Variants in SH3KBP1 observed in about 807,000 individuals in gnomAD.
SH3KBP1 encodes the protein SH3 domain containing kinase binding protein 1.
Under a neutral mutation model 50.1 loss-of-function variants are expected in SH3KBP1, and 8 were observed. The ratio of observed to expected loss-of-function variants is 0.16; its 90% CI spans 0.09 to 0.29. SH3KBP1 has a LOEUF of 0.29. Among genes scored for constraint, SH3KBP1 ranks in the 10% least tolerant of loss-of-function variants. SH3KBP1 has a pLI of 1.00. For synonymous variants in SH3KBP1, 227 were observed against 218.6 expected (o/e 1.04, Z -0.34); for missense variants, 377 against 535.2 (o/e 0.70, Z 2.92).
chrX:19,832,020 A>G (rs1055399658), intron 2 of SH3KBP1, among the ~76,000 whole-genome samples: 1 of 112,118 alleles, frequency 8.9e-6, no homozygotes, highest in Non-Finnish European at 1.9e-5. Context: ...TAATAGGCCT[A>G]AAACATTTCC....
chrX:19,561,708 A>G (rs2065683949), intron 13 of SH3KBP1, among the ~76,000 whole-genome samples: 1 of 111,408 alleles, frequency 9.0e-6, no homozygotes, highest in Non-Finnish European at 1.9e-5. Flanking sequence ...AATTTGTTCA[A>G]TTTTACACTT....
At chrX:19,869,471 G>T (rs912134159) in intron 1 of SH3KBP1, among the ~76,000 whole-genome samples, 2 of 112,138 alleles carry the variant, frequency 1.8e-5, no homozygotes, top group Admixed American at 1.9e-4. Flanking sequence ...CCTCTGCCAT[G>T]GGCTGAAAGG....
intron 2 of SH3KBP1, among the ~76,000 whole-genome samples, chrX:19,829,792 C>T (rs2067811532): frequency 9.1e-6 from 1 of 110,464 alleles, no homozygotes; most frequent in East Asian, 2.8e-4. Flanking sequence ...CAGAGCAGCC[C>T]CGAGAGCTGC....
chrX:19,837,259 G>C (rs1386751055), intron 1 of SH3KBP1, among the ~76,000 whole-genome samples: 1 of 111,421 alleles, frequency 9.0e-6, no homozygotes, highest in East Asian at 2.8e-4. Flanking sequence ...TCAATTCCAT[G>C]TTACATTGTT....
intron 2 of SH3KBP1, among the ~76,000 whole-genome samples, chrX:19,777,658 A>T (rs752475338): frequency 2.7e-5 from 3 of 111,542 alleles, no homozygotes; most frequent in Non-Finnish European, 5.7e-5. Context: ...GGCTCCCTAG[A>T]TGCAAGGGTC....
intron 12 of SH3KBP1, among the ~76,000 whole-genome samples, chrX:19,579,700 C>A (rs182418482): frequency 1.5e-3 from 168 of 111,508 alleles, no homozygotes; most frequent in Non-Finnish European, 2.3e-3. Context: ...ATAATATGTA[C>A]AAGTGGAATG....
intron 4 of SH3KBP1, among the ~76,000 whole-genome samples, chrX:19,697,166 T>C (rs965456202): frequency 8.9e-6 from 1 of 112,328 alleles, no homozygotes; most frequent in Non-Finnish European, 1.9e-5. Context: ...GTGTATTAAA[T>C]ACATTTTCAA....
chrX:19,724,251 T>C (rs1301476240), intron 3 of SH3KBP1, among the ~76,000 whole-genome samples: 2 of 111,036 alleles, frequency 1.8e-5, no homozygotes, highest in Non-Finnish European at 3.8e-5. Flanking sequence ...ATTTGCAGAA[T>C]AGAGAAAGAG....
chrX:19,808,332 G>T (rs1027320136), intron 2 of SH3KBP1, among the ~76,000 whole-genome samples: 7 of 110,565 alleles, frequency 6.3e-5, no homozygotes, highest in Non-Finnish European at 1.1e-4. Flanking sequence ...CCCGCTTAAA[G>T]ACCTTTTTTT....
In SH3KBP1 at chrX:19,666,365, G is replaced by A. The variant is rs187609280; in HGVS notation, c.726+17458C>T. Among the ~76,000 whole-genome samples, 6 of 110,968 alleles carry A rather than the reference G, an allele frequency of 5.4e-5. No homozygotes were observed. The Admixed American group carries it at 5.8e-4, about 11-fold the overall frequency. On this transcript the variant is annotated intron_variant, in intron 6 of 17. Coordinates refer to ENST00000397821, the MANE Select transcript of SH3KBP1 (RefSeq NM_031892.3). The stretch of plus-strand genomic sequence containing the variant: ...CTATAGATTCAGGTAAGCGGATGGG[G>A]CAACATGAAAAGCCAGTCCTGGTCA...
intron 8 of SH3KBP1, among the ~76,000 whole-genome samples, chrX:19,630,632 A>G (rs1007177159): frequency 8.9e-6 from 1 of 111,818 alleles, no homozygotes; most frequent in African/African-American, 3.3e-5. Flanking sequence ...TCTGCAAAAC[A>G]GGGAATGATT....
At chrX:19,771,763 C>T (rs2148890314) in intron 2 of SH3KBP1, among the ~76,000 whole-genome samples, 2 of 107,221 alleles carry the variant, frequency 1.9e-5, no homozygotes, top group African/African-American at 6.8e-5. Flanking sequence ...ACTCAGGAGG[C>T]TGAGGCAGGA....
chrX:19,804,388 C>G (rs1603254333), intron 2 of SH3KBP1, among the ~76,000 whole-genome samples: 1 of 110,518 alleles, frequency 9.0e-6, no homozygotes, highest in African/African-American at 3.3e-5. Flanking sequence ...ATTAAGTACT[C>G]TTTTTTTCCT....
At chrX:19,620,734 G>C (rs758886819) in intron 8 of SH3KBP1, among the ~76,000 whole-genome samples, 2 of 112,299 alleles carry the variant, frequency 1.8e-5, no homozygotes, top group East Asian at 5.6e-4. Context: ...ACGCAATTAC[G>C]TAGCAGGCAA....
At position 19,636,130 on chromosome X, in the gene SH3KBP1, G is replaced by GAC. The variant is rs776176476; in HGVS notation, c.803-4174_803-4173dup. On this transcript the variant is annotated intron_variant, in intron 7 of 17. Transcript: ENST00000397821. ...ATTAGAGATCAAATAGGAATGAATA[G>GAC]ACACACACACATAGAGAGAGAGAGA... Among the ~76,000 whole-genome samples, 5 of 109,959 alleles carry GAC rather than the reference G, an allele frequency of 4.5e-5. No individual in the cohort carries two copies. In the East Asian group the frequency reaches 8.5e-4, roughly 19 times the overall value.
intron 4 of SH3KBP1, among the ~76,000 whole-genome samples, chrX:19,705,663 C>A (rs1336758801): frequency 9.0e-6 from 1 of 111,591 alleles, no homozygotes; most frequent in Admixed American, 9.5e-5. Flanking sequence ...GGACATGTAT[C>A]TCTGCTTGGC....
At chrX:19,801,203 A>G (rs1278958567) in intron 2 of SH3KBP1, among the ~76,000 whole-genome samples, 1 of 112,231 alleles carries the variant, frequency 8.9e-6, no homozygotes, top group Non-Finnish European at 1.9e-5. Flanking sequence ...GCCCCACTGC[A>G]GATGGACACC....
At chrX:19,564,281 C>T (rs1038686721) in intron 13 of SH3KBP1, among the ~76,000 whole-genome samples, 2 of 112,052 alleles carry the variant, frequency 1.8e-5, no homozygotes, top group African/African-American at 6.5e-5. Context: ...TTTGGTGTCA[C>T]ATTCACAAAA....
At chrX:19,656,416 A>G (rs1167430053) in intron 6 of SH3KBP1, among the ~76,000 whole-genome samples, 4 of 111,946 alleles carry the variant, frequency 3.6e-5, no homozygotes, top group Non-Finnish European at 7.5e-5. Context: ...TTAAGGTTTG[A>G]GAGATACTTA....
Sources: gnomAD v4.1 joint callset for allele counts (sites outside exome capture counted in the v4.1 genomes callset) on GRCh38, gnomAD v4.1.1 for gene constraint, MANE v1.5 for transcripts, NCBI Gene and HGNC (gene_info 2026-07-23, HGNC 2026-07-21) for gene names.